The following SPPL3 variants were observed in gnomAD, a reference collection of about 807,000 sequenced individuals.
SPPL3 encodes signal peptide peptidase like 3, also known as signal peptide peptidase-like 3.
SPPL3 carries 5 observed loss-of-function variants against 42.4 expected under a neutral mutation model. The ratio of observed to expected loss-of-function variants is 0.12; its 90% CI spans 0.06 to 0.25. The LOEUF is 0.25. Among genes scored for constraint, SPPL3 ranks in the 10% least tolerant of loss-of-function variants. The pLI is 1.00. For missense variants in SPPL3, 235 were observed against 489.0 expected (o/e 0.48, Z 4.90); for synonymous variants, 195 against 181.8 (o/e 1.07, Z -0.58).
chr12:120,877,695 C>A (rs1363760396), intron 1 of SPPL3, among the ~76,000 whole-genome samples: 2 of 151,184 alleles, frequency 1.3e-5, no homozygotes, highest in Admixed American at 1.3e-4. Flanking sequence ...GCAGGAGAAT[C>A]GCTTGAACCT....
chr12:120,786,585 A>G (rs1024649457), intron 3 of SPPL3, among the ~76,000 whole-genome samples: 2 of 152,204 alleles, frequency 1.3e-5, no homozygotes, highest in African/African-American at 2.4e-5. Flanking sequence ...TTAAAAGTTC[A>G]GTCTGCAATT....
chr12:120,800,182 C>T (rs775507232), intron 2 of SPPL3, among the ~76,000 whole-genome samples: 1 of 151,742 alleles, frequency 6.6e-6, no homozygotes, highest in Non-Finnish European at 1.5e-5. Flanking sequence ...AAATTGTATC[C>T]TGGCTATTTG....
At chr12:120,788,667 T>C (rs1316528731) in intron 3 of SPPL3, among the ~76,000 whole-genome samples, 2 of 152,184 alleles carry the variant, frequency 1.3e-5, no homozygotes, top group Non-Finnish European at 2.9e-5. Flanking sequence ...TGCTCTCCTA[T>C]CTCTTTACAA....
chr12:120,871,172 GTGA>G (rs991527661), intron 1 of SPPL3, among the ~76,000 whole-genome samples: 1 of 140,486 alleles, frequency 7.1e-6, no homozygotes, highest in East Asian at 2.1e-4. Flanking sequence ...GAGGTAAACA[GTGA>G]TGATGACTGC....
intron 1 of SPPL3, among the ~76,000 whole-genome samples, chr12:120,900,004 G>A (rs1300458732): frequency 1.3e-5 from 2 of 151,814 alleles, no homozygotes; most frequent in African/African-American, 4.8e-5. Context: ...GAATTTGCTA[G>A]GAAGAGAGCA....
intron 1 of SPPL3, among the ~76,000 whole-genome samples, chr12:120,812,736 G>A (rs1169882415): frequency 6.6e-6 from 1 of 152,152 alleles, no homozygotes; most frequent in Non-Finnish European, 1.5e-5. Context: ...ATTAAATGTG[G>A]CCTGAATTTA....
In SPPL3 at chr12:120,764,688, A is replaced by T; in HGVS notation, c.*311T>A. 2.5e-6 allele frequency: 1 copy of T among 398,704 alleles called. No homozygotes were observed. Among genetic ancestry groups the T allele is most frequent in the Non-Finnish European group, 4.4e-6 (1 of 226,432 alleles). The allele number at this position is 398,704 out of a possible 1,614,324, so 24.7% of individuals were successfully genotyped here. On this transcript the variant is annotated 3_prime_UTR_variant, in exon 11 of 11. Coordinates refer to ENST00000353487, the MANE Select transcript of SPPL3 (RefSeq NM_139015.5). ...CTGTTTTCAGTTTTTAAACAGTCAA[A>T]TCTCCATCTCCCCCAGAAGGTAACA...
At chr12:120,903,701 G>T in intron 1 of SPPL3, 144 bp downstream of exon 1, 1 of 699,044 alleles carries the variant, frequency 1.4e-6, no homozygotes, top group Non-Finnish European at 2.1e-6. Context: ...CCCCTCCGGT[G>T]GGGAAGAGGG....
chr12:120,822,604 C>A (rs1029898925), intron 1 of SPPL3, among the ~76,000 whole-genome samples: 1 of 152,068 alleles, frequency 6.6e-6, no homozygotes, highest in African/African-American at 2.4e-5. Flanking sequence ...CAGTTCATCC[C>A]TTACTTCTAT....
chr12:120,843,065 G>A (rs1052126881), intron 1 of SPPL3, among the ~76,000 whole-genome samples: 3 of 152,002 alleles, frequency 2.0e-5, no homozygotes, highest in African/African-American at 7.3e-5. Flanking sequence ...TATATCCCCA[G>A]GAATGCAGAT....
intron 1 of SPPL3, among the ~76,000 whole-genome samples, chr12:120,841,725 T>C (rs1020370666): frequency 6.6e-6 from 1 of 152,168 alleles, no homozygotes; most frequent in Non-Finnish European, 1.5e-5. Context: ...AAAACAAGTA[T>C]CCCTTGTTAT....
chr12:120,807,074 T>C (rs996938446), intron 2 of SPPL3, among the ~76,000 whole-genome samples: 1 of 152,074 alleles, frequency 6.6e-6, no homozygotes, highest in Non-Finnish European at 1.5e-5. Flanking sequence ...AAATTTATAG[T>C]TGCAAATCAT....
At chr12:120,778,401 G>A (rs1023674053) in intron 6 of SPPL3, among the ~76,000 whole-genome samples, 1 of 151,992 alleles carries the variant, frequency 6.6e-6, no homozygotes, top group Non-Finnish European at 1.5e-5. Flanking sequence ...ACAAGCATGA[G>A]CCACCGCGCC....
chr12:120,902,315 T>C (rs1011362552), intron 1 of SPPL3, among the ~76,000 whole-genome samples: 1 of 152,234 alleles, frequency 6.6e-6, no homozygotes, highest in African/African-American at 2.4e-5. Flanking sequence ...CCCAACTCCC[T>C]TTCTCTTATG....
intron 3 of SPPL3, among the ~76,000 whole-genome samples, chr12:120,787,782 T>A (rs1263566989): frequency 6.6e-6 from 1 of 152,108 alleles, no homozygotes; most frequent in Non-Finnish European, 1.5e-5. Context: ...ATGCATTGAG[T>A]TATGTAGTTA....
intron 2 of SPPL3, among the ~76,000 whole-genome samples, chr12:120,804,126 G>T (rs946418083): frequency 6.6e-6 from 1 of 152,130 alleles, no homozygotes; most frequent in African/African-American, 2.4e-5. Context: ...CATTACCTAA[G>T]AAAGCATTGG....
At chr12:120,899,788 G>T (rs113482682) in intron 1 of SPPL3, among the ~76,000 whole-genome samples, 19 of 151,232 alleles carry the variant, frequency 1.3e-4, no homozygotes, top group African/African-American at 4.6e-4. Context: ...AGCTACTCGG[G>T]AGGCTGAGGC....
intron 1 of SPPL3, among the ~76,000 whole-genome samples, chr12:120,822,608 C>T (rs1326331906): frequency 6.6e-6 from 1 of 152,112 alleles, no homozygotes; most frequent in Non-Finnish European, 1.5e-5. Context: ...TCATCCCTTA[C>T]TTCTATCAGG....
Position 120,767,377 on chromosome 12 carries a change from C to G in SPPL3, c.973+17G>C, listed in dbSNP as rs376085930. 6.2e-7 allele frequency: 1 copy of G among 1,608,596 alleles called. No homozygotes were observed. Among genetic ancestry groups the G allele is most frequent in the African/African-American group, 1.3e-5 (1 of 74,854 alleles). The stretch of plus-strand genomic sequence containing the variant: ...AGCCAGAGCGAGGATCATCTGCAGT[C>G]TCTCTGGTTCTCTTACCTACAAAGT... On this transcript the variant is annotated intron_variant, in intron 9 of 10. Transcript: ENST00000353487.
Sources: gnomAD v4.1 joint callset for allele counts (sites outside exome capture counted in the v4.1 genomes callset) on GRCh38, gnomAD v4.1.1 for gene constraint, MANE v1.5 for transcripts, NCBI Gene and HGNC (gene_info 2026-07-23, HGNC 2026-07-21) for gene names.